Variants in CNTNAP2 observed in about 807,000 individuals in gnomAD.
CNTNAP2 encodes contactin associated protein 2.
A neutral mutation model predicts 155.2 loss-of-function variants in CNTNAP2; 98 were observed. The ratio of observed to expected loss-of-function variants is 0.63; its 90% confidence interval spans 0.54 to 0.75. CNTNAP2 has a LOEUF of 0.75. Ranked by LOEUF, CNTNAP2 falls within the 30% of genes least tolerant of loss-of-function variation. The pLI is 0.00. For missense variants in CNTNAP2, 1,727 were observed against 1,688.1 expected (o/e 1.02, Z -0.40); for synonymous variants, 651 against 631.2 (o/e 1.03, Z -0.47).
chr7:147,517,993 G>A (rs960087648), intron 11 of CNTNAP2, among the ~76,000 whole-genome samples: 3 of 152,106 alleles, frequency 2.0e-5, no homozygotes, highest in African/African-American at 7.2e-5. Context: ...GTGCAGTGGC[G>A]TGATCATGGC....
chr7:147,699,448 C>T (rs903498969), intron 13 of CNTNAP2, among the ~76,000 whole-genome samples: 1 of 151,436 alleles, frequency 6.6e-6, no homozygotes, highest in Non-Finnish European at 1.5e-5. Context: ...CGGGGCCTGT[C>T]GTGGGGTGGG....
At chr7:146,160,040 A>C (rs1481324950) in intron 1 of CNTNAP2, among the ~76,000 whole-genome samples, 1 of 151,830 alleles carries the variant, frequency 6.6e-6, no homozygotes, top group Non-Finnish European at 1.5e-5. Context: ...TAAGAAACTC[A>C]CTCCAAACTA....
At chr7:146,798,683 A>T (rs1802814833) in intron 2 of CNTNAP2, among the ~76,000 whole-genome samples, 1 of 152,184 alleles carries the variant, frequency 6.6e-6, no homozygotes, top group Non-Finnish European at 1.5e-5. Flanking sequence ...TTATGACATG[A>T]AATATTTCTG....
intron 8 of CNTNAP2, among the ~76,000 whole-genome samples, chr7:147,250,266 AC>A: frequency 6.6e-6 from 1 of 152,294 alleles, no homozygotes; most frequent in African/African-American, 2.4e-5. Flanking sequence ...TAAACTTGTT[AC>A]CCAAATAACC....
At chr7:147,028,609 G>T (rs1035953331) in intron 3 of CNTNAP2, among the ~76,000 whole-genome samples, 3 of 152,196 alleles carry the variant, frequency 2.0e-5, no homozygotes, top group Non-Finnish European at 2.9e-5. Flanking sequence ...AAGAAGGCCA[G>T]TTGGGTAGTA....
intron 13 of CNTNAP2, among the ~76,000 whole-genome samples, chr7:147,888,240 T>C (rs538673620): frequency 5.9e-5 from 9 of 152,152 alleles, no homozygotes; most frequent in African/African-American, 2.2e-4. Context: ...GGATATACTA[T>C]TAAAAATAAT....
At chr7:148,088,752 T>C (rs957824269) in intron 15 of CNTNAP2, among the ~76,000 whole-genome samples, 1 of 151,938 alleles carries the variant, frequency 6.6e-6, no homozygotes, top group East Asian at 1.9e-4. Flanking sequence ...AAAATACCAA[T>C]TTTTTGCAAA....
At chr7:147,900,411 T>C (rs980790667) in intron 13 of CNTNAP2, among the ~76,000 whole-genome samples, 1 of 152,138 alleles carries the variant, frequency 6.6e-6, no homozygotes, top group East Asian at 1.9e-4. Context: ...TCTTGCTTTC[T>C]CTCTCTCCTG....
In CNTNAP2 at chr7:147,317,074, TTAAG is replaced by T. The variant is rs201734254; in HGVS notation, c.1498+16787_1498+16790del. Among the ~76,000 whole-genome samples, 1,305 of 152,300 alleles carry T rather than the reference TTAAG, an allele frequency of 8.6e-3. 63 individuals are homozygous for T. The highest frequency in any genetic ancestry group is 0.068 in the Admixed American group (1,035 of 15,298). ...AATCCAGTCCTTCACCCAATCCTAT[TTAAG>T]TATTTATTTATTATCCATAACTATT... On this transcript the variant is annotated intron_variant, in intron 9 of 23. Coordinates refer to ENST00000361727, the MANE Select transcript of CNTNAP2 (RefSeq NM_014141.6).
At chr7:146,756,835 A>C (rs1802003260) in intron 1 of CNTNAP2, among the ~76,000 whole-genome samples, 3 of 152,112 alleles carry the variant, frequency 2.0e-5, no homozygotes, top group South Asian at 4.1e-4. Flanking sequence ...TATTAAAATG[A>C]ATACAGACAT....
intron 1 of CNTNAP2, among the ~76,000 whole-genome samples, chr7:146,742,298 T>C (rs1801731702): frequency 6.6e-6 from 1 of 152,174 alleles, no homozygotes; most frequent in Non-Finnish European, 1.5e-5. Flanking sequence ...ACTTAAAGTC[T>C]TCTTTAGGAG....
Position 147,331,956 on chromosome 7 carries a change from A to G in CNTNAP2, c.1498+31666A>G, listed in dbSNP as rs1327742436. 4.6e-5 allele frequency among the ~76,000 whole-genome samples: 7 copies of G among 152,282 alleles called. No homozygotes were observed. The East Asian group carries it at 1.4e-3, about 29-fold the overall frequency. On this transcript the variant is annotated intron_variant, in intron 9 of 23. Transcript: ENST00000361727. ...GCTTTACTGTTCACAACATGTTTCA[A>G]AACATGAGATTGACATGTTTTAAAA...
At chr7:148,162,951 G>A (rs1805578436) in intron 17 of CNTNAP2, among the ~76,000 whole-genome samples, 1 of 152,222 alleles carries the variant, frequency 6.6e-6, no homozygotes, top group African/African-American at 2.4e-5. Flanking sequence ...AGTGAACCAT[G>A]ATTGCGTCAC....
In CNTNAP2 at chr7:147,926,004, A is replaced by C. The variant is rs567602571; in HGVS notation, c.2255+22283A>C. 3.9e-4 allele frequency among the ~76,000 whole-genome samples: 60 copies of C among 152,316 alleles called. No homozygotes were observed. The South Asian group carries it at 0.01, about 26-fold the overall frequency. ...TGAGCTAATTTTATTTTAGTGATAAAAAATGTTAAATAGTATGTAGAAGAA... is the reference window on the plus strand; with the variant it reads ...TGAGCTAATTTTATTTTAGTGATAACAAATGTTAAATAGTATGTAGAAGAA... On this transcript the variant is annotated intron_variant, in intron 14 of 23. Transcript: ENST00000361727.
chr7:146,822,377 C>T (rs1018241077), intron 2 of CNTNAP2, among the ~76,000 whole-genome samples: 10 of 149,898 alleles, frequency 6.7e-5, no homozygotes, highest in African/African-American at 1.5e-4. Context: ...TGCTAAATGA[C>T]GAGTTAATGG....
intron 1 of CNTNAP2, among the ~76,000 whole-genome samples, chr7:146,192,402 G>T (rs1389477058): frequency 1.3e-5 from 2 of 152,046 alleles, no homozygotes; most frequent in Admixed American, 1.3e-4. Context: ...CCCAAGATTG[G>T]GTAATTTATA....
chr7:148,356,920 C>A (rs535202040), intron 21 of CNTNAP2, among the ~76,000 whole-genome samples: 266 of 150,906 alleles, frequency 1.8e-3, no homozygotes, highest in African/African-American at 6.3e-3. Flanking sequence ...AAAAAAAAAA[C>A]CCTTCCTCTT....
intron 13 of CNTNAP2, among the ~76,000 whole-genome samples, chr7:147,720,543 A>C (rs1376568316): frequency 2.6e-5 from 4 of 152,220 alleles, no homozygotes; most frequent in African/African-American, 7.2e-5. Context: ...CACAAATCTC[A>C]TCTTGAATTG....
chr7:146,309,785 A>G (rs1167431275), intron 1 of CNTNAP2, among the ~76,000 whole-genome samples: 1 of 151,646 alleles, frequency 6.6e-6, no homozygotes, highest in Non-Finnish European at 1.5e-5. Context: ...TGGGTGACCC[A>G]GTGAGACTCT....
Sources: allele counts gnomAD v4.1 joint callset (sites outside exome capture counted in the v4.1 genomes callset), GRCh38; gene constraint gnomAD v4.1.1; transcripts MANE v1.5; gene names NCBI Gene and HGNC (gene_info 2026-07-23, HGNC 2026-07-21).